TMTC2: variants seen among roughly 807,000 people sequenced by gnomAD.
TMTC2 encodes the protein protein O-mannosyl-transferase TMTC2.
TMTC2 carries 43 observed loss-of-function variants against 82.4 expected under a neutral mutation model. That is an observed-to-expected ratio of 0.52 (90% confidence interval 0.41 to 0.67). The LOEUF is 0.67. TMTC2 is among the 30% of genes least tolerant of loss of function. TMTC2 has a pLI of 0.00. For synonymous variants in TMTC2, 408 were observed against 381.9 expected (o/e 1.07, Z -0.80); for missense variants, 919 against 1,012.4 (o/e 0.91, Z 1.25).
intron 1 of TMTC2, among the ~76,000 whole-genome samples, chr12:82,734,438 A>G (rs150089457): frequency 6.6e-6 from 1 of 152,246 alleles, no homozygotes; most frequent in East Asian, 1.9e-4. Flanking sequence ...GACCGTTCAC[A>G]TTCCTACTCA....
At chr12:83,095,055 A>T (rs1465388182) in intron 11 of TMTC2, among the ~76,000 whole-genome samples, 2 of 152,202 alleles carry the variant, frequency 1.3e-5, no homozygotes, top group Non-Finnish European at 2.9e-5. Flanking sequence ...CTTAAAAAAC[A>T]TGGCACATTA....
intron 11 of TMTC2, among the ~76,000 whole-genome samples, chr12:83,103,554 G>T (rs892121414): frequency 1.3e-5 from 2 of 152,128 alleles, no homozygotes; most frequent in African/African-American, 4.8e-5. Flanking sequence ...ACACACGATT[G>T]CAGGGACAGC....
At chr12:82,777,729 ATTC>A in intron 1 of TMTC2, among the ~76,000 whole-genome samples, 1 of 152,248 alleles carries the variant, frequency 6.6e-6, no homozygotes, top group East Asian at 1.9e-4. Flanking sequence ...CCAAATGCCT[ATTC>A]TTGGCTTTGC....
chr12:82,741,184 A>G (rs1875387949), intron 1 of TMTC2, among the ~76,000 whole-genome samples: 1 of 152,220 alleles, frequency 6.6e-6, no homozygotes. Flanking sequence ...ATACTTTTCA[A>G]TATAAAAGTT....
At chr12:83,082,933 G>A (rs1223248150) in intron 11 of TMTC2, among the ~76,000 whole-genome samples, 5 of 152,182 alleles carry the variant, frequency 3.3e-5, no homozygotes, top group East Asian at 1.9e-4. Flanking sequence ...AGGCAATACC[G>A]CTTAGCAGTT....
chr12:82,815,295 T>A (rs943592076), intron 1 of TMTC2, among the ~76,000 whole-genome samples: 30 of 150,550 alleles, frequency 2.0e-4, no homozygotes, highest in African/African-American at 5.1e-4. Flanking sequence ...TTATTTTTTT[T>A]AATTAATTAA....
At position 82,687,622 on chromosome 12, in the gene TMTC2, C is replaced by G. The variant is rs1428531839; in HGVS notation, c.36C>G (p.Leu12=). The G allele has an allele frequency of 6.2e-7, 1 of 1,603,846 alleles. No individual in the cohort carries two copies. The highest frequency in any genetic ancestry group is 8.5e-7 in the Non-Finnish European group (1 of 1,176,566). Residue 12 remains leucine (L), a synonymous_variant, in exon 1 of 12, where the codon CTC becomes CTG. Coordinates refer to ENST00000321196, the MANE Select transcript of TMTC2 (RefSeq NM_152588.3). ...IAELVSSALG[L]ALYLNTLSAD... is the part of the protein sequence containing the mutation. ...AGTTGGTGAGCAGCGCTCTGGGGCT[C>G]GCCTTGTATCTCAACACCCTGAGTG...
chr12:82,701,947 AC>A (rs1051129848), intron 1 of TMTC2, among the ~76,000 whole-genome samples: 10 of 152,034 alleles, frequency 6.6e-5, no homozygotes, highest in African/African-American at 2.4e-4. Flanking sequence ...CCCCAAAAAA[AC>A]CTAAACATGC....
chr12:82,846,070 G>A (rs1870653833), intron 1 of TMTC2, among the ~76,000 whole-genome samples: 1 of 151,924 alleles, frequency 6.6e-6, no homozygotes, highest in African/African-American at 2.4e-5. Context: ...CCTACTAAGA[G>A]GAAAGAGTGC....
chr12:82,847,335 C>T (rs781116283), intron 1 of TMTC2, among the ~76,000 whole-genome samples: 3 of 152,020 alleles, frequency 2.0e-5, no homozygotes, highest in Non-Finnish European at 4.4e-5. Flanking sequence ...GTGATAATTC[C>T]CTACATACTT....
intron 9 of TMTC2, among the ~76,000 whole-genome samples, chr12:83,044,297 A>G (rs1882007204): frequency 6.6e-6 from 1 of 152,186 alleles, no homozygotes; most frequent in Admixed American, 6.5e-5. Flanking sequence ...AGAGAAGACC[A>G]CTGGGATATC....
At chr12:82,926,085 G>A (rs1336878625) in intron 3 of TMTC2, among the ~76,000 whole-genome samples, 1 of 151,410 alleles carries the variant, frequency 6.6e-6, no homozygotes, top group African/African-American at 2.4e-5. Context: ...GGGTTCAAGC[G>A]ATTCCCCTGC....
intron 1 of TMTC2, among the ~76,000 whole-genome samples, chr12:82,843,670 G>A (rs530380961): frequency 5.3e-5 from 8 of 152,156 alleles, no homozygotes; most frequent in Middle Eastern, 3.4e-3. Flanking sequence ...GATTTGGGCC[G>A]GGTGTGGTGG....
chr12:83,028,379 T>G (rs1881269344), intron 8 of TMTC2, among the ~76,000 whole-genome samples: 1 of 152,188 alleles, frequency 6.6e-6, no homozygotes, highest in Admixed American at 6.5e-5. Flanking sequence ...GAGCAGAAAG[T>G]ACAGAGTGTT....
At chr12:83,051,064 G>A in intron 10 of TMTC2, 46 bp downstream of exon 10, 8 of 1,382,194 alleles carry the variant, frequency 5.8e-6, no homozygotes, top group Non-Finnish European at 7.0e-6. Context: ...CTTTGAGAGG[G>A]TAATTAATTA....
chr12:83,085,644 T>G (rs1413189745), intron 11 of TMTC2, among the ~76,000 whole-genome samples: 3 of 152,194 alleles, frequency 2.0e-5, no homozygotes, highest in Admixed American at 2.0e-4. Context: ...CTTACAGATC[T>G]TTTAAGGCCT....
chr12:82,790,555 G>A (rs771666430), intron 1 of TMTC2, among the ~76,000 whole-genome samples: 2 of 151,990 alleles, frequency 1.3e-5, no homozygotes, highest in African/African-American at 2.4e-5. Context: ...GTGGCCGGGC[G>A]CGGTGGCTTA....
rs1355605656 is a variant in TMTC2, at chr12:82,807,432, C to G, written c.84-49578C>G. On this transcript the variant is annotated intron_variant, in intron 1 of 11. Transcript: ENST00000321196. Reference sequence around the variant, plus strand: ...AATTGTTGGGGAAATATTTCATTTTCATATCCTGTGTGAGTGCTACCTCTA... The same window carrying G: ...AATTGTTGGGGAAATATTTCATTTTGATATCCTGTGTGAGTGCTACCTCTA... Among the ~76,000 whole-genome samples, 2 of 152,048 alleles carry G rather than the reference C, an allele frequency of 1.3e-5. 1 individual carries two copies. The highest frequency in any genetic ancestry group is 2.9e-5 in the Non-Finnish European group (2 of 67,978).
chr12:83,112,847 A>C (rs1162496308), intron 11 of TMTC2, among the ~76,000 whole-genome samples: 1 of 152,210 alleles, frequency 6.6e-6, no homozygotes, highest in African/African-American at 2.4e-5. Context: ...CCAATACAAA[A>C]GTATGTTTTT....
Sources: gnomAD v4.1 joint callset for allele counts (sites outside exome capture counted in the v4.1 genomes callset) on GRCh38, gnomAD v4.1.1 for gene constraint, MANE v1.5 for transcripts, NCBI Gene and HGNC (gene_info 2026-07-23, HGNC 2026-07-21) for gene names.